Variants in LCORL observed in about 807,000 individuals in gnomAD.
LCORL encodes ligand-dependent nuclear receptor corepressor-like protein.
Under a neutral mutation model 141.8 loss-of-function variants are expected in LCORL, and 41 were observed. The observed-to-expected ratio is 0.29, with a 90% CI of 0.23 to 0.38. The LOEUF (loss-of-function observed/expected upper bound fraction) is 0.38, where lower values mean the gene tolerates loss of function less well. Among genes scored for constraint, LCORL ranks in the 10% least tolerant of loss-of-function variants. The probability of loss-of-function intolerance (pLI) is 1.00; values close to 1 mark genes in which losing one functional copy is unlikely to be tolerated. For missense variants in LCORL, 1,759 were observed against 2,035.0 expected (o/e 0.86, Z 2.61); for synonymous variants, 618 against 694.1 (o/e 0.89, Z 1.72).
At chr4:17,887,732 T>C (rs567189230) in intron 5 of LCORL, among the ~76,000 whole-genome samples, 14 of 152,286 alleles carry the variant, frequency 9.2e-5, no homozygotes, top group Non-Finnish European at 1.6e-4. Context: ...AAGACTGACA[T>C]GATTTCAATT....
chr4:17,879,500 GC>G (rs545254714), intron 6 of LCORL, among the ~76,000 whole-genome samples: 27 of 151,118 alleles, frequency 1.8e-4, no homozygotes, highest in African/African-American at 5.3e-4. Context: ...TAAAGTCACT[GC>G]CGCCTCTAGA....
At chr4:17,991,273 C>G (rs1409905873) in intron 1 of LCORL, among the ~76,000 whole-genome samples, 1 of 152,210 alleles carries the variant, frequency 6.6e-6, no homozygotes, top group Non-Finnish European at 1.5e-5. Context: ...AAAGACTCTA[C>G]TCCTTGTTCT....
intron 4 of LCORL, among the ~76,000 whole-genome samples, chr4:17,921,873 G>C (rs1734352947): frequency 6.6e-6 from 1 of 152,130 alleles, no homozygotes. Flanking sequence ...AAGTCTTCTG[G>C]CCTCCATCCT....
At chr4:17,988,718 A>T (rs1719456599) in intron 1 of LCORL, among the ~76,000 whole-genome samples, 1 of 152,172 alleles carries the variant, frequency 6.6e-6, no homozygotes, top group Non-Finnish European at 1.5e-5. Context: ...CGGGCGTGGC[A>T]GCTCACGCCT....
chr4:17,849,279 T>G (rs1182963766), intron 7 of LCORL, among the ~76,000 whole-genome samples: 1 of 152,060 alleles, frequency 6.6e-6, no homozygotes, highest in African/African-American at 2.4e-5. Context: ...CACCCCCCAG[T>G]TGGGGCAGAC....
exon 7 of LCORL, chr4:17,877,623 T>A: frequency 8.1e-7 from 1 of 1,230,612 alleles, no homozygotes; most frequent in Non-Finnish European, 1.0e-6. Flanking sequence ...TGAGATGACG[T>A]CTTTCAATTT....
At chr4:17,849,954 C>T (rs1449510352) in intron 7 of LCORL, among the ~76,000 whole-genome samples, 1 of 151,586 alleles carries the variant, frequency 6.6e-6, no homozygotes, top group East Asian at 1.9e-4. Flanking sequence ...TGGAACAGAA[C>T]AGAGCCCTCA....
intron 1 of LCORL, among the ~76,000 whole-genome samples, chr4:17,984,667 T>C (rs1718628783): frequency 1.3e-5 from 2 of 151,876 alleles, no homozygotes; most frequent in South Asian, 4.1e-4. Flanking sequence ...CTCTTCTGTA[T>C]TATCTAGCTA....
chr4:17,926,934 G>A (rs1735245645), intron 4 of LCORL, among the ~76,000 whole-genome samples: 1 of 152,240 alleles, frequency 6.6e-6, no homozygotes, highest in Non-Finnish European at 1.5e-5. Context: ...GCCATAACCA[G>A]AGAGTAAGCC....
At chr4:17,938,870 T>C (rs1329785753) in intron 4 of LCORL, among the ~76,000 whole-genome samples, 1 of 152,168 alleles carries the variant, frequency 6.6e-6, no homozygotes, top group Non-Finnish European at 1.5e-5. Flanking sequence ...TAATTTAGTT[T>C]CTCCTGTATG....
exon 7 of LCORL, chr4:17,876,381 T>G: frequency 8.1e-7 from 1 of 1,230,856 alleles, no homozygotes; most frequent in Middle Eastern, 3.1e-4. Context: ...GTCTTTACCA[T>G]CAATTTCTAT....
intron 1 of LCORL, among the ~76,000 whole-genome samples, chr4:17,983,218 T>C (rs574584823): frequency 6.6e-6 from 1 of 152,318 alleles, no homozygotes; most frequent in Admixed American, 6.5e-5. Context: ...AGCTTTGTTC[T>C]GTTTGCTTAG....
chr4:17,960,550 A>G (rs776185836), intron 4 of LCORL, among the ~76,000 whole-genome samples: 1 of 152,214 alleles, frequency 6.6e-6, no homozygotes, highest in Non-Finnish European at 1.5e-5. Context: ...GTCTGATAAC[A>G]TAATTTTTCC....
At chr4:17,975,498 C>T (rs1716771716) in intron 1 of LCORL, among the ~76,000 whole-genome samples, 1 of 151,568 alleles carries the variant, frequency 6.6e-6, no homozygotes, top group African/African-American at 2.4e-5. Context: ...TGGGTACATG[C>T]GAATTCTCCT....
intron 6 of LCORL, chr4:17,881,202 T>C (rs934962862): frequency 1.5e-5 from 15 of 981,688 alleles, no homozygotes; most frequent in Non-Finnish European, 1.8e-5. Context: ...TTCAAATAAG[T>C]AGAAAGCACA....
At chr4:17,987,831 T>A (rs970833772) in intron 1 of LCORL, among the ~76,000 whole-genome samples, 1 of 152,238 alleles carries the variant, frequency 6.6e-6, no homozygotes, top group Non-Finnish European at 1.5e-5. Context: ...TTCAATTGAG[T>A]TATTTGTCTT....
At chr4:18,008,726 C>A (rs952485400) in intron 1 of LCORL, among the ~76,000 whole-genome samples, 2 of 152,200 alleles carry the variant, frequency 1.3e-5, no homozygotes, top group African/African-American at 4.8e-5. Context: ...TAAATATTAT[C>A]TATCATTATT....
At chr4:17,849,922 C>T (rs1347129080) in intron 7 of LCORL, among the ~76,000 whole-genome samples, 2 of 151,516 alleles carry the variant, frequency 1.3e-5, no homozygotes, top group African/African-American at 4.9e-5. Flanking sequence ...GGTACTGGTA[C>T]CAAAACAGAG....
rs1282378910 is a variant in LCORL, at chr4:17,882,202, AAC to A, written c.776+3864_776+3865del. On this transcript the variant is annotated intron_variant, in intron 6 of 7. Coordinates refer to ENST00000635767, the Ensembl canonical transcript of LCORL. ...AAATACACACAAACACAAGTGTAAAAACACAAGCATTTGACAAGGTGCACTTA... is the reference window on the plus strand; with the variant it reads ...AAATACACACAAACACAAGTGTAAAAACAAGCATTTGACAAGGTGCACTTA... 5 of 984,616 alleles carry A rather than the reference AAC, an allele frequency of 5.1e-6. No homozygotes were observed. The African/African-American group carries it at 8.7e-5, about 17-fold the overall frequency. The allele number at this position is 984,616 out of a possible 1,614,324, so 61.0% of individuals were successfully genotyped here. A position where few individuals can be genotyped will look rare whatever the true frequency, so the allele number is the denominator to read the frequency against.
Sources: allele counts gnomAD v4.1 joint callset (sites outside exome capture counted in the v4.1 genomes callset), GRCh38; gene constraint gnomAD v4.1.1; transcripts MANE v1.5; gene names NCBI Gene and HGNC (gene_info 2026-07-23, HGNC 2026-07-21).